The following TCEA3 variants were observed in gnomAD, a reference collection of about 807,000 sequenced individuals.
The protein encoded by TCEA3 is transcription elongation factor A3.
Under a neutral mutation model 44.0 loss-of-function variants are expected in TCEA3, and 36 were observed. That is an observed-to-expected ratio of 0.82 (90% CI 0.63 to 1.08). The LOEUF is 1.08. TCEA3 is among the 50% of genes least tolerant of loss of function. The probability of loss-of-function intolerance (pLI) is 0.00; values close to 1 mark genes in which losing one functional copy is unlikely to be tolerated. For missense variants in TCEA3, 392 were observed against 441.2 expected (o/e 0.89, Z 1.00); for synonymous variants, 162 against 159.7 (o/e 1.01, Z -0.11).
At chr1:23,407,700 T>G (rs1393450853) in intron 5 of TCEA3, among the ~76,000 whole-genome samples, 1 of 152,174 alleles carries the variant, frequency 6.6e-6, no homozygotes, top group Non-Finnish European at 1.5e-5. Flanking sequence ...TTCTGAACTT[T>G]ACCTGTCTCC....
Position 23,394,314 on chromosome 1 carries a change from C to G in TCEA3, c.665-281G>C, listed in dbSNP as rs575287788. 1.3e-4 allele frequency among the ~76,000 whole-genome samples: 20 copies of G among 152,310 alleles called. No individual in the cohort carries two copies. In the East Asian group the frequency reaches 2.9e-3, roughly 22 times the overall value. On this transcript the variant is annotated intron_variant, in intron 7 of 10. Transcript: ENST00000450454. ...CAGGACCCTGGGTTTGTCTGAGCCT[C>G]TTGTGTGACCTCAGGTGAGTCACAC...
At chr1:23,390,324 C>A (rs1412330477) in intron 8 of TCEA3, among the ~76,000 whole-genome samples, 2 of 152,068 alleles carry the variant, frequency 1.3e-5, no homozygotes, top group African/African-American at 4.8e-5. Context: ...GAAAAATTAG[C>A]CAGGCATGGT....
intron 10 of TCEA3, among the ~76,000 whole-genome samples, chr1:23,382,947 A>T (rs1638705878): frequency 6.6e-6 from 1 of 152,232 alleles, no homozygotes; most frequent in East Asian, 1.9e-4. Context: ...GGCAGTTCTA[A>T]TGAGGCCCCA....
At chr1:23,415,139 CAG>C (rs1374184967) in intron 4 of TCEA3, among the ~76,000 whole-genome samples, 1 of 150,198 alleles carries the variant, frequency 6.7e-6, no homozygotes, top group East Asian at 2.0e-4. Context: ...TCTCCCGCCT[CAG>C]CCTCCTGAGT....
intron 4 of TCEA3, among the ~76,000 whole-genome samples, chr1:23,416,855 T>C (rs1404377683): frequency 6.6e-6 from 1 of 152,198 alleles, no homozygotes; most frequent in Admixed American, 6.5e-5. Flanking sequence ...TTTGGGACTG[T>C]TACAAGATTC....
intron 8 of TCEA3, among the ~76,000 whole-genome samples, chr1:23,392,544 CCACAT>C (rs1639084279): frequency 3.1e-5 from 2 of 63,732 alleles, no homozygotes; most frequent in Non-Finnish European, 6.0e-5. Flanking sequence ...ATCATACACG[CCACAT>C]ACACTCCACA....
intron 8 of TCEA3, among the ~76,000 whole-genome samples, chr1:23,392,127 A>C (rs193281863): frequency 1.1e-4 from 17 of 152,270 alleles, no homozygotes; most frequent in Admixed American, 6.5e-4. Flanking sequence ...ACCCTGGTCT[A>C]CCTGTGCCAA....
Position 23,419,069 on chromosome 1 carries a change from C to A in TCEA3, c.132+8G>T. The stretch of plus-strand genomic sequence containing the variant: ...GCACTGTCCCAAGGCTTCCCACCCC[C>A]GCCCCACCTGTAGTAGCTGGATGGA... On this transcript the variant is annotated splice_region_variant and intron_variant, in intron 2 of 10. Transcript: ENST00000450454. 1.3e-6 allele frequency: 2 copies of A among 1,551,994 alleles called. No homozygotes were observed. Among genetic ancestry groups the A allele is most frequent in the Non-Finnish European group, 8.8e-7 (1 of 1,141,130 alleles).
chr1:23,424,507 C>T (rs1640160632), intron 1 of TCEA3, 58 bp downstream of exon 1: 5 of 1,521,194 alleles, frequency 3.3e-6, no homozygotes, highest in South Asian at 1.1e-5. Flanking sequence ...CCCCGGAATC[C>T]GGGGCTTGCC....
rs147648581 is a variant in TCEA3, at chr1:23,397,615, G to A, written c.608-14C>T. ...CCTTGTAATCATCTAAAAGAGATTCGAGAAATACAGGTATCAGCCAGACAC... is the reference window on the plus strand; with the variant it reads ...CCTTGTAATCATCTAAAAGAGATTCAAGAAATACAGGTATCAGCCAGACAC... On this transcript the variant is annotated splice_polypyrimidine_tract_variant and intron_variant, in intron 6 of 10. Coordinates refer to ENST00000450454, the MANE Select transcript of TCEA3 (RefSeq NM_003196.3). 4.0e-4 allele frequency: 652 copies of A among 1,613,234 alleles called. 4 individuals are homozygous for A. The African/African-American group carries it at 6.1e-3, about 15-fold the overall frequency.
rs369140556 is a variant in TCEA3 at position 23,390,050 on chromosome 1, C to T, written c.820-2631G>A. Among the ~76,000 whole-genome samples, 105 of 152,242 alleles carry T rather than the reference C, an allele frequency of 6.9e-4. 1 individual carries two copies. The highest frequency in any genetic ancestry group is 3.4e-3 in the Middle Eastern group (1 of 294). Reference sequence around the variant, plus strand: ...TACTAAAGTGAAGGCATATAAGGTGCAGGGGAAAGCAACAGGGTATGGTGG... The same window carrying T: ...TACTAAAGTGAAGGCATATAAGGTGTAGGGGAAAGCAACAGGGTATGGTGG... On this transcript the variant is annotated intron_variant, in intron 8 of 10. Coordinates refer to ENST00000450454, the MANE Select transcript of TCEA3 (RefSeq NM_003196.3).
At chr1:23,400,104 G>A (rs997692742) in intron 5 of TCEA3, among the ~76,000 whole-genome samples, 1 of 152,222 alleles carries the variant, frequency 6.6e-6, no homozygotes, top group Non-Finnish European at 1.5e-5. Context: ...GGGAGTTGGA[G>A]AGAAAGGATC....
At chr1:23,384,087 C>A in intron 10 of TCEA3, 1 of 1,316,618 alleles carries the variant, frequency 7.6e-7, no homozygotes, top group Non-Finnish European at 9.7e-7. Context: ...AAATGACAGA[C>A]TTGCTCATCC....
intron 5 of TCEA3, among the ~76,000 whole-genome samples, chr1:23,398,954 G>T (rs553962425): frequency 6.6e-6 from 1 of 151,078 alleles, no homozygotes; most frequent in African/African-American, 2.4e-5. Context: ...TTTTTGCAGA[G>T]ATGGGATCTC....
intron 8 of TCEA3, among the ~76,000 whole-genome samples, chr1:23,393,103 A>G (rs777283028): frequency 3.9e-5 from 6 of 152,082 alleles, no homozygotes; most frequent in Admixed American, 6.6e-5. Flanking sequence ...GATTCTCATG[A>G]GAAGCATGCA....
At chr1:23,392,549 T>C (rs200896478) in intron 8 of TCEA3, among the ~76,000 whole-genome samples, 22 of 1,404 alleles carry the variant, frequency 0.016, no homozygotes, top group Admixed American at 0.026. Flanking sequence ...ACACGCCACA[T>C]ACACTCCACA....
intron 7 of TCEA3, among the ~76,000 whole-genome samples, chr1:23,395,206 T>C (rs1449046682): frequency 2.6e-5 from 4 of 152,238 alleles, no homozygotes; most frequent in Non-Finnish European, 5.9e-5. Context: ...CCAAAAAATG[T>C]GTTTTAAAAT....
At chr1:23,415,019 T>A (rs1259691939) in intron 4 of TCEA3, among the ~76,000 whole-genome samples, 3 of 142,560 alleles carry the variant, frequency 2.1e-5, no homozygotes, top group African/African-American at 7.8e-5. Flanking sequence ...CTGTTCTTTT[T>A]TTTTTTTTTT....
At chr1:23,424,531 G>T (rs565458986) in intron 1 of TCEA3, 34 bp downstream of exon 1, 2 of 1,587,656 alleles carry the variant, frequency 1.3e-6, no homozygotes, top group Admixed American at 3.4e-5. Context: ...GCCTCCCGGG[G>T]GCGGGGGCCG....
Sources: gnomAD v4.1 joint callset for allele counts (sites outside exome capture counted in the v4.1 genomes callset) on GRCh38, gnomAD v4.1.1 for gene constraint, MANE v1.5 for transcripts, NCBI Gene and HGNC (gene_info 2026-07-23, HGNC 2026-07-21) for gene names.